The following MDGA2 variants were observed in gnomAD, a reference collection of about 807,000 sequenced individuals.
MDGA2 encodes the protein MAM domain-containing glycosylphosphatidylinositol anchor protein 2.
Under a neutral mutation model 117.8 loss-of-function variants are expected in MDGA2, and 40 were observed. The observed-to-expected ratio is 0.34, with a 90% confidence interval of 0.26 to 0.44. The LOEUF (loss-of-function observed/expected upper bound fraction) is 0.44, where lower values mean the gene tolerates loss of function less well. Ranked by LOEUF, MDGA2 falls within the 20% of genes least tolerant of loss-of-function variation. MDGA2 has a pLI of 1.00. For missense variants in MDGA2, 1,123 were observed against 1,250.6 expected (o/e 0.90, Z 1.54); for synonymous variants, 452 against 439.0 (o/e 1.03, Z -0.37).
chr14:46,970,674 C>T (rs1179681833), intron 8 of MDGA2, among the ~76,000 whole-genome samples: 1 of 152,042 alleles, frequency 6.6e-6, no homozygotes, highest in Non-Finnish European at 1.5e-5. Flanking sequence ...TCACCGGCTA[C>T]TATAACAAAA....
chr14:47,613,234 C>A (rs1221881710), intron 1 of MDGA2, among the ~76,000 whole-genome samples: 2 of 152,072 alleles, frequency 1.3e-5, no homozygotes, highest in Non-Finnish European at 2.9e-5. Context: ...AGGGTCAACT[C>A]CAGCTCTGTG....
At position 47,289,516 on chromosome 14, in the gene MDGA2, A is replaced by T. The variant is rs574738897; in HGVS notation, c.420+11895T>A. Among the ~76,000 whole-genome samples, 5 of 152,164 alleles carry T rather than the reference A, an allele frequency of 3.3e-5. No individual in the cohort carries two copies. In the East Asian group the frequency reaches 7.7e-4, roughly 24 times the overall value. The stretch of plus-strand genomic sequence containing the variant: ...ATTTGGTGATCTTCCTACTTAAATA[A>T]TACATTTCTGAACTATGTCAATAAG... On this transcript the variant is annotated intron_variant, in intron 2 of 16. Transcript: ENST00000399232.
At chr14:47,348,368 C>T (rs774828666) in intron 1 of MDGA2, among the ~76,000 whole-genome samples, 7 of 151,928 alleles carry the variant, frequency 4.6e-5, no homozygotes, top group Admixed American at 1.3e-4. Flanking sequence ...TGTGACACCA[C>T]GCCCAGCTAA....
chr14:47,240,547 A>T (rs1337231490), intron 2 of MDGA2, among the ~76,000 whole-genome samples: 1 of 151,824 alleles, frequency 6.6e-6, no homozygotes, highest in East Asian at 1.9e-4. Context: ...CTTTGTGGAT[A>T]CTCCATTTAG....
In MDGA2 at chr14:47,334,644, A is replaced by G. The variant is rs542453772; in HGVS notation, c.281-33094T>C. ...TTCAAGTTATACACAAATGAAAATT[A>G]GATTATGTGAGTTGTTAATCTTTTC... On this transcript the variant is annotated intron_variant, in intron 1 of 16. Coordinates refer to ENST00000399232, the MANE Select transcript of MDGA2 (RefSeq NM_001113498.3). Among the ~76,000 whole-genome samples the G allele has an allele frequency of 8.9e-4, 136 of 152,090 alleles. 1 individual carries two copies. The highest frequency in any genetic ancestry group is 3.2e-3 in the African/African-American group (133 of 41,556).
intron 3 of MDGA2, among the ~76,000 whole-genome samples, chr14:47,146,994 T>C (rs1480716493): frequency 6.6e-6 from 1 of 152,148 alleles, no homozygotes; most frequent in African/African-American, 2.4e-5. Context: ...AATTGACTCA[T>C]GTTTAGAAAT....
intron 1 of MDGA2, among the ~76,000 whole-genome samples, chr14:47,371,977 T>C (rs964647218): frequency 2.6e-5 from 4 of 151,790 alleles, no homozygotes; most frequent in African/African-American, 9.7e-5. Flanking sequence ...AAATAAAATG[T>C]ATATAATTTC....
At chr14:47,468,879 T>G (rs1485198476) in intron 1 of MDGA2, among the ~76,000 whole-genome samples, 1 of 152,112 alleles carries the variant, frequency 6.6e-6, no homozygotes, top group Non-Finnish European at 1.5e-5. Flanking sequence ...TAATAATCAT[T>G]TAAATTGCCT....
chr14:47,131,629 C>A, intron 5 of MDGA2, 85 bp downstream of exon 5: 1 of 1,102,876 alleles, frequency 9.1e-7, no homozygotes, highest in Non-Finnish European at 1.3e-6. Flanking sequence ...CCGTAGAAAT[C>A]ATTTGGTCTT....
At chr14:47,141,465 AAATAATG>A (rs1882715451) in intron 4 of MDGA2, among the ~76,000 whole-genome samples, 1 of 152,248 alleles carries the variant, frequency 6.6e-6, no homozygotes. Context: ...TTCAGCTATG[AAATAATG>A]AATGCAGCTA....
rs1334852467 is a variant in MDGA2 at position 47,134,325 on chromosome 14, A to G, written c.793-2479T>C. The stretch of plus-strand genomic sequence containing the variant: ...TAACTACCCAAGGTTTGCTTTATAT[A>G]TATTTATTTCTCCAGAATTTACTAT... On this transcript the variant is annotated intron_variant, in intron 4 of 16. Coordinates refer to ENST00000399232, the MANE Select transcript of MDGA2 (RefSeq NM_001113498.3). 2.0e-5 allele frequency among the ~76,000 whole-genome samples: 3 copies of G among 152,124 alleles called. No homozygotes were observed. The East Asian group carries it at 5.8e-4, about 29-fold the overall frequency.
At chr14:47,464,100 TACACACACACAC>T (rs71449610) in intron 1 of MDGA2, among the ~76,000 whole-genome samples, 71 of 141,590 alleles carry the variant, frequency 5.0e-4, no homozygotes, top group African/African-American at 1.2e-3. Flanking sequence ...ACTTACTATG[TACACACACACAC>T]ACACACACAC....
intron 1 of MDGA2, among the ~76,000 whole-genome samples, chr14:47,322,301 C>G (rs1890003483): frequency 6.6e-6 from 1 of 152,214 alleles, no homozygotes; most frequent in South Asian, 2.1e-4. Context: ...ATAACATTTT[C>G]TCTTCTTTAA....
intron 7 of MDGA2, among the ~76,000 whole-genome samples, chr14:47,053,664 C>CAA (rs1889555365): frequency 1.4e-5 from 2 of 142,532 alleles, no homozygotes; most frequent in African/African-American, 5.1e-5. Flanking sequence ...TACACACACA[C>CAA]ACACACATAT....
At position 47,281,196 on chromosome 14, in the gene MDGA2, A is replaced by AT. The variant is rs958376558; in HGVS notation, c.420+20214dup. Among the ~76,000 whole-genome samples, 138 of 148,342 alleles carry AT rather than the reference A, an allele frequency of 9.3e-4. 1 individual carries two copies. Among genetic ancestry groups the AT allele is most frequent in the Non-Finnish European group, 1.5e-3 (99 of 66,444 alleles). ...ATTGTCTCAAAATATCTTTTTAAGT[A>AT]TTTTTTTTTCAATTAGAATCTGGAC... On this transcript the variant is annotated intron_variant, in intron 2 of 16. Coordinates refer to ENST00000399232, the MANE Select transcript of MDGA2 (RefSeq NM_001113498.3).
intron 3 of MDGA2, among the ~76,000 whole-genome samples, chr14:47,151,216 G>T (rs1363987325): frequency 6.6e-6 from 1 of 152,192 alleles, no homozygotes; most frequent in Non-Finnish European, 1.5e-5. Flanking sequence ...CTTCCAAATA[G>T]GTCAGATGGA....
At chr14:47,469,777 A>G (rs1893682719) in intron 1 of MDGA2, among the ~76,000 whole-genome samples, 1 of 152,146 alleles carries the variant, frequency 6.6e-6, no homozygotes. Flanking sequence ...CCAACAGTGT[A>G]AAAGTGTTCC....
intron 10 of MDGA2, among the ~76,000 whole-genome samples, chr14:46,894,115 T>C (rs1025934016): frequency 3.4e-4 from 51 of 152,002 alleles, no homozygotes; most frequent in African/African-American, 1.2e-3. Context: ...TTGCCAGATA[T>C]TTTGCTAAAT....
At chr14:47,330,488 T>C (rs8010108) in intron 1 of MDGA2, among the ~76,000 whole-genome samples, 25,317 of 151,740 alleles carry the variant, frequency 0.17, 2,506 homozygotes, top group South Asian at 0.34. Context: ...TCTACAAATA[T>C]TTGGTAAATT....
Sources: allele counts gnomAD v4.1 joint callset (sites outside exome capture counted in the v4.1 genomes callset), GRCh38; gene constraint gnomAD v4.1.1; transcripts MANE v1.5; gene names NCBI Gene and HGNC (gene_info 2026-07-23, HGNC 2026-07-21).